ZNF385D: variants seen among roughly 807,000 people sequenced by gnomAD.
ZNF385D encodes zinc finger protein 385D, also known as zinc finger protein 659.
In ZNF385D, 15 loss-of-function variants were observed where a neutral mutation model predicts 35.8. That is an observed-to-expected ratio of 0.42 (90% confidence interval 0.28 to 0.64). ZNF385D has a LOEUF of 0.64. Among genes scored for constraint, ZNF385D ranks in the 30% least tolerant of loss-of-function variants. The pLI is 0.23. For missense variants in ZNF385D, 474 were observed against 494.6 expected, an observed-to-expected ratio of 0.96 and a Z score of 0.39; for synonymous variants, 212 against 186.8, an observed-to-expected ratio of 1.13 and a Z score of -1.10.
At chr3:21,868,151 G>A (rs1162464865) in intron 3 of ZNF385D, among the ~76,000 whole-genome samples, 1 of 152,086 alleles carries the variant, frequency 6.6e-6, no homozygotes, top group African/African-American at 2.4e-5. Context: ...AACATTTTCT[G>A]TAGAGTCAGA....
At position 21,602,517 on chromosome 3, in the gene ZNF385D, C is replaced by CTTTTTTT. The variant is rs746138066; in HGVS notation, c.166-37840_166-37834dup. Among the ~76,000 whole-genome samples, 51 of 62,712 alleles carry CTTTTTTT rather than the reference C, an allele frequency of 8.1e-4. 10 individuals are homozygous for CTTTTTTT. Among genetic ancestry groups the CTTTTTTT allele is most frequent in the South Asian group, 5.6e-3 (7 of 1,258 alleles). 41.1% of individuals were successfully genotyped at this position (62,712 alleles called of 152,430 possible). On this transcript the variant is annotated intron_variant, in intron 2 of 7. Transcript: ENST00000281523. ...TAGGTCTCCTGTTTCCCTGCATTTT[C>CTTTTTTT]TTTTTTTTTTTTTTTTTTTTTTTTT...
intron 2 of ZNF385D, among the ~76,000 whole-genome samples, chr3:22,219,883 A>G (rs904861912): frequency 2.6e-5 from 4 of 152,090 alleles, no homozygotes; most frequent in African/African-American, 9.7e-5. Flanking sequence ...TAGATAAACA[A>G]TTATGGACCT....
intron 3 of ZNF385D, among the ~76,000 whole-genome samples, chr3:22,113,735 G>T (rs191799445): frequency 2.6e-5 from 4 of 152,042 alleles, no homozygotes; most frequent in Admixed American, 6.6e-5. Context: ...ATAAAAGAAA[G>T]CTCACTTTGG....
intron 2 of ZNF385D, among the ~76,000 whole-genome samples, chr3:22,199,327 G>A (rs1231192287): frequency 2.0e-5 from 3 of 152,058 alleles, no homozygotes; most frequent in African/African-American, 7.2e-5. Flanking sequence ...AAAATAACAT[G>A]ATTTGAATGT....
chr3:21,442,722 T>C (rs1453272010), intron 4 of ZNF385D, among the ~76,000 whole-genome samples: 2 of 151,882 alleles, frequency 1.3e-5, no homozygotes, highest in African/African-American at 4.8e-5. Flanking sequence ...TGTAACCAAT[T>C]GAGCAGATGG....
In ZNF385D at chr3:22,087,259, A is replaced by G. The variant is rs573673740; in HGVS notation, c.325+81558T>C. On this transcript the variant is annotated intron_variant, in intron 3 of 5. Coordinates refer to the ZNF385D transcript ENST00000494108. Reference sequence around the variant, plus strand: ...TTTTCACTGTGGCCACATCTATAAAATAGGCATTTGACAGAATGTTAATTG... The same window carrying G: ...TTTTCACTGTGGCCACATCTATAAAGTAGGCATTTGACAGAATGTTAATTG... 3.3e-5 allele frequency among the ~76,000 whole-genome samples: 5 copies of G among 152,254 alleles called. No homozygotes were observed. In the East Asian group the frequency reaches 9.7e-4, roughly 29 times the overall value.
intron 2 of ZNF385D, among the ~76,000 whole-genome samples, chr3:21,649,598 T>G (rs1413502286): frequency 6.6e-6 from 1 of 152,164 alleles, no homozygotes; most frequent in Non-Finnish European, 1.5e-5. Flanking sequence ...CAGAAGATAT[T>G]TAAAGCTTCA....
At chr3:21,487,114 C>T (rs1297122809) in intron 4 of ZNF385D, among the ~76,000 whole-genome samples, 2 of 152,098 alleles carry the variant, frequency 1.3e-5, no homozygotes, top group African/African-American at 4.8e-5. Flanking sequence ...TATATACTTT[C>T]ACGCCATTAG....
At position 21,901,913 on chromosome 3, in the gene ZNF385D, A is replaced by C. The variant is rs116919641; in HGVS notation, c.326-236885T>G. Among the ~76,000 whole-genome samples, 35 of 152,214 alleles carry C rather than the reference A, an allele frequency of 2.3e-4. No individual in the cohort carries two copies. The East Asian group carries it at 6.6e-3, about 29-fold the overall frequency. Reference sequence around the variant, plus strand: ...CAGAAGAGCGTTCAGTCTAGTATTAAAACTACCATGTTTAGTTCCCTTGTT... The same window carrying C: ...CAGAAGAGCGTTCAGTCTAGTATTACAACTACCATGTTTAGTTCCCTTGTT... On this transcript the variant is annotated intron_variant, in intron 3 of 5. Transcript: ENST00000494108.
intron 3 of ZNF385D, among the ~76,000 whole-genome samples, chr3:21,918,288 T>C (rs1013641028): frequency 1.3e-5 from 2 of 152,082 alleles, no homozygotes; most frequent in Non-Finnish European, 2.9e-5. Context: ...AACAGAAAAG[T>C]GAGAGGCCAA....
chr3:21,685,038 G>T lies in ZNF385D; in HGVS notation c.23-20010C>A, dbSNP rs191457461. Among the ~76,000 whole-genome samples the T allele has an allele frequency of 1.3e-4, 20 of 152,234 alleles. 1 individual carries two copies. Among genetic ancestry groups the T allele is most frequent in the African/African-American group, 4.8e-4 (20 of 41,538 alleles). ...ATAAGCTTTATTAAGAATCCAGTGG[G>T]TATTGGCAAAAGCATTTCTAACTTG... On this transcript the variant is annotated intron_variant, in intron 1 of 7. Coordinates refer to ENST00000281523, the MANE Select transcript of ZNF385D (RefSeq NM_024697.3).
rs144124234 is a variant in ZNF385D, at chr3:22,207,132, G to T, written c.107-38097C>A. ...CAGAGGCTACTATAAGCAACAGTAAGCCAATGAATTTGAAAACATACAAGA... is the reference window on the plus strand; with the variant it reads ...CAGAGGCTACTATAAGCAACAGTAATCCAATGAATTTGAAAACATACAAGA... On this transcript the variant is annotated intron_variant, in intron 2 of 5. Transcript: ENST00000494108. 3.6e-4 allele frequency among the ~76,000 whole-genome samples: 54 copies of T among 152,014 alleles called. No homozygotes were observed. The East Asian group carries it at 9.1e-3, about 26-fold the overall frequency.
At chr3:21,972,279 A>G (rs1460784844) in intron 3 of ZNF385D, among the ~76,000 whole-genome samples, 1 of 151,904 alleles carries the variant, frequency 6.6e-6, no homozygotes, top group Non-Finnish European at 1.5e-5. Flanking sequence ...AAAACTAGAA[A>G]TCATTTGGAA....
At chr3:21,616,742 T>A (rs2064858299) in intron 2 of ZNF385D, among the ~76,000 whole-genome samples, 1 of 152,208 alleles carries the variant, frequency 6.6e-6, no homozygotes, top group African/African-American at 2.4e-5. Context: ...CATTATAACA[T>A]TTAATGTCTA....
chr3:21,732,513 A>T (rs1421482229), intron 1 of ZNF385D, among the ~76,000 whole-genome samples: 3 of 152,222 alleles, frequency 2.0e-5, no homozygotes, highest in Admixed American at 2.0e-4. Flanking sequence ...AGCAGCAATG[A>T]ATGAGAGTTC....
intron 1 of ZNF385D, 120 bp downstream of exon 1, chr3:21,750,775 C>T: frequency 8.0e-7 from 1 of 1,249,818 alleles, no homozygotes; most frequent in Non-Finnish European, 1.2e-6. Flanking sequence ...CCTCCAGTTG[C>T]CAACTGGAGG....
intron 3 of ZNF385D, among the ~76,000 whole-genome samples, chr3:22,038,672 C>G (rs532471535): frequency 6.6e-6 from 1 of 151,850 alleles, no homozygotes; most frequent in African/African-American, 2.4e-5. Flanking sequence ...AATTCTAATT[C>G]TTTTGGATCT....
chr3:22,249,868 T>C (rs1398468672), intron 2 of ZNF385D, among the ~76,000 whole-genome samples: 1 of 152,174 alleles, frequency 6.6e-6, no homozygotes, highest in Non-Finnish European at 1.5e-5. Flanking sequence ...ATGTCAGCTT[T>C]TCCTTTCTCA....
chr3:21,575,134 G>T (rs1273634739), intron 2 of ZNF385D, among the ~76,000 whole-genome samples: 2 of 152,258 alleles, frequency 1.3e-5, no homozygotes, highest in African/African-American at 4.8e-5. Flanking sequence ...ACGTAAAAAT[G>T]CCAATCATTC....
Sources: gnomAD v4.1 joint callset for allele counts (sites outside exome capture counted in the v4.1 genomes callset) on GRCh38, gnomAD v4.1.1 for gene constraint, MANE v1.5 for transcripts, NCBI Gene and HGNC (gene_info 2026-07-23, HGNC 2026-07-21) for gene names.